The following ETV3 variants were observed in gnomAD, a reference collection of about 807,000 sequenced individuals.
ETV3 encodes the protein ETS variant transcription factor 3, also known as ETS translocation variant 3.
In ETV3, 8 loss-of-function variants were observed where a neutral mutation model predicts 33.0. The observed-to-expected ratio is 0.24, with a 90% CI of 0.14 to 0.44. ETV3 has a LOEUF of 0.44. Among genes scored for constraint, ETV3 ranks in the 20% least tolerant of loss-of-function variants. ETV3 has a pLI of 1.00. For synonymous variants in ETV3, 222 were observed against 238.9 expected, an observed-to-expected ratio of 0.93 and a Z score of 0.65; for missense variants, 473 against 652.3, an observed-to-expected ratio of 0.73 and a Z score of 2.99.
chr1:157,125,032 C>A lies in ETV3; in HGVS notation c.1348G>T (p.Asp450Tyr), dbSNP rs371357999. 18 of 1,551,170 alleles carry A rather than the reference C, an allele frequency of 1.2e-5. No individual in the cohort carries two copies. In the African/African-American group the frequency reaches 2.2e-4, roughly 19 times the overall value. ...PSGEPLEVTEDSEDRPGKEPS... is the reference protein window; with the variant it reads ...PSGEPLEVTEYSEDRPGKEPS... ...TCTTTGCCAGGCCTATCCTCACTGT[C>A]TTCAGTCACCTCCAGAGGTTCTCCA... is the stretch of plus-strand genomic sequence containing the variant. Residue 450 changes from aspartate to tyrosine, a missense_variant, in exon 5 of 5, where the codon GAC (aspartate) becomes TAC (tyrosine). Physicochemically the swap from Asp to Tyr is radical, Grantham distance 160. Transcript: ENST00000368192. This position sits in a 1 kb window ranked among gnomAD's most constrained non-coding sequence, Gnocchi z 4.0.
At chr1:157,135,364 A>C in intron 3 of ETV3, 107 bp downstream of exon 3, 1 of 1,319,572 alleles carries the variant, frequency 7.6e-7, no homozygotes, top group African/African-American at 1.5e-5. Context: ...TTATTCACTA[A>C]GATAGTGTAG....
rs542657305 is a variant in ETV3, at chr1:157,129,762, A to G, written c.401-3783T>C. 5.2e-4 allele frequency among the ~76,000 whole-genome samples: 79 copies of G among 152,322 alleles called. 1 individual carries two copies. Among genetic ancestry groups the G allele is most frequent in the Admixed American group, 4.5e-3 (69 of 15,302 alleles). On this transcript the variant is annotated intron_variant, in intron 4 of 4. Coordinates refer to ENST00000368192, the MANE Select transcript of ETV3 (RefSeq NM_001145312.3). ...TACTCAAAAGCAAAAAGCCACTTCT[A>G]TGTATTCAGAAGAAGGAAGTATAAT...
Position 157,133,987 on chromosome 1 carries a change from T to G in ETV3, c.400+125A>C, listed in dbSNP as rs113772942. The G allele has an allele frequency of 4.4e-4, 649 of 1,476,956 alleles. 1 individual carries two copies. Among genetic ancestry groups the G allele is most frequent in the Middle Eastern group, 3.9e-3 (16 of 4,072 alleles). The allele number at this position is 1,476,956 out of a possible 1,614,324, so 91.5% of individuals were successfully genotyped here. ...GACTTGAGTAAGAACATTGAGGCAA[T>G]CCAAAGGATCACATTATTTTAGTGT... On this transcript the variant is annotated intron_variant, in intron 4 of 4. Transcript: ENST00000368192.
At chr1:157,136,464 T>C in intron 1 of ETV3, 99 bp from the exon 2 acceptor site, 1 of 1,095,002 alleles carries the variant, frequency 9.1e-7, no homozygotes, top group South Asian at 1.5e-5. Flanking sequence ...CTTTCCCCTG[T>C]TCTTCTTTCC....
At chr1:157,128,529 G>A (rs2103201605) in intron 4 of ETV3, 1 of 263,184 alleles carries the variant, frequency 3.8e-6, no homozygotes, top group South Asian at 5.3e-5. Flanking sequence ...TAAGAACAAA[G>A]GCATTACCTG....
At chr1:157,133,918 T>G (rs1675032036) in intron 4 of ETV3, 194 bp downstream of exon 4, 1 of 1,396,342 alleles carries the variant, frequency 7.2e-7, no homozygotes, top group African/African-American at 1.5e-5. Context: ...CAAAGAAATC[T>G]ATCTTGATAC....
intron 3 of ETV3, 26 bp from the exon 4 acceptor site, chr1:157,134,253 T>G (rs1675041751): frequency 6.2e-7 from 1 of 1,606,784 alleles, no homozygotes; most frequent in Non-Finnish European, 8.5e-7. Flanking sequence ...TACATGTCCA[T>G]TCGTCTTGTA....
rs1315349724 is a variant in ETV3, at chr1:157,121,337, T to C, written c.*3504A>G. The C allele has an allele frequency of 1.3e-5, 2 of 151,658 alleles. No individual in the cohort carries two copies. Among genetic ancestry groups the C allele is most frequent in the Non-Finnish European group, 2.9e-5 (2 of 67,938 alleles). The allele number at this position is 151,658 out of a possible 1,614,324, so 9.4% of individuals were successfully genotyped here. Reference sequence around the variant, plus strand: ...TCTATAACATTACATCATATATATATAATATATATGCAAAAATTTGAAGAC... The same window carrying C: ...TCTATAACATTACATCATATATATACAATATATATGCAAAAATTTGAAGAC... On this transcript the variant is annotated 3_prime_UTR_variant, in exon 5 of 5. Transcript: ENST00000368192.
chr1:157,124,787 A>G lies in ETV3; in HGVS notation c.*54T>C. 2 of 1,166,048 alleles carry G rather than the reference A, an allele frequency of 1.7e-6. No homozygotes were observed. Among genetic ancestry groups the G allele is most frequent in the Non-Finnish European group, 2.2e-6 (2 of 903,812 alleles). The allele number at this position is 1,166,048 out of a possible 1,614,324, so 72.2% of individuals were successfully genotyped here. ...CCCCACCCTGAAATCTTGCTACATA[A>G]ATACATGTATGTATTTGATTATAGT... On this transcript the variant is annotated 3_prime_UTR_variant, in exon 5 of 5. Coordinates refer to ENST00000368192, the MANE Select transcript of ETV3 (RefSeq NM_001145312.3).
chr1:157,129,204 TTC>T (rs1674917112), intron 4 of ETV3, among the ~76,000 whole-genome samples: 2 of 152,244 alleles, frequency 1.3e-5, no homozygotes, highest in East Asian at 1.9e-4. Context: ...CTAAAGTGAT[TTC>T]TTTTACTTAT....
At chr1:157,130,875 T>C (rs978410239) in intron 4 of ETV3, among the ~76,000 whole-genome samples, 2 of 152,324 alleles carry the variant, frequency 1.3e-5, no homozygotes, top group Admixed American at 6.5e-5. Context: ...AACAGAATTA[T>C]ATCAATGTTA....
At position 157,132,595 on chromosome 1, in the gene ETV3, C is replaced by T. The variant is rs148246013; in HGVS notation, c.400+1517G>A. Among the ~76,000 whole-genome samples the T allele has an allele frequency of 8.6e-4, 131 of 152,164 alleles. 2 individuals are homozygous for T. The highest frequency in any genetic ancestry group is 3.1e-4 in the Non-Finnish European group (21 of 68,000). On this transcript the variant is annotated intron_variant, in intron 4 of 4. Coordinates refer to ENST00000368192, the MANE Select transcript of ETV3 (RefSeq NM_001145312.3). ...ATTGTTGGTATATACATCTAGATTC[C>T]CAATTCCTCTAGGCATACAAGGAAG...
chr1:157,127,051 G>A (rs1674857019), intron 4 of ETV3, among the ~76,000 whole-genome samples: 2 of 152,246 alleles, frequency 1.3e-5, no homozygotes, highest in African/African-American at 4.8e-5. Context: ...AGCTGCCCTG[G>A]CTGACTGCAC....
rs375623673 is a variant in ETV3 at position 157,121,321 on chromosome 1, T to A, written c.*3520A>T. 15 of 151,734 alleles carry A rather than the reference T, an allele frequency of 9.9e-5. No individual in the cohort carries two copies. In the East Asian group the frequency reaches 2.7e-3, roughly 27 times the overall value. The allele number at this position is 151,734 out of a possible 1,614,324, so 9.4% of individuals were successfully genotyped here. A position where few individuals can be genotyped will look rare whatever the true frequency, so the allele number is the denominator to read the frequency against. ...ATATTATACATATATTTCTATAACA[T>A]TACATCATATATATATAATATATAT... On this transcript the variant is annotated 3_prime_UTR_variant, in exon 5 of 5. Transcript: ENST00000368192.
intron 4 of ETV3, among the ~76,000 whole-genome samples, chr1:157,126,886 A>G (rs1674851347): frequency 6.7e-6 from 1 of 149,484 alleles, no homozygotes; most frequent in Admixed American, 6.6e-5. Flanking sequence ...GGAGGGACAG[A>G]GCTGCCCTGG....
rs1386591941 is a variant in ETV3 at position 157,131,611 on chromosome 1, G to C, written c.400+2501C>G. The stretch of plus-strand genomic sequence containing the variant: ...CGATCTCTCAGGAATTGTTTCCCTA[G>C]AAACTGTTCAATAGATAACTATTCA... On this transcript the variant is annotated intron_variant, in intron 4 of 4. Coordinates refer to ENST00000368192, the MANE Select transcript of ETV3 (RefSeq NM_001145312.3). 8.1e-4 allele frequency among the ~76,000 whole-genome samples: 123 copies of C among 152,282 alleles called. 1 individual carries two copies. Among genetic ancestry groups the C allele is most frequent in the Non-Finnish European group, 7.4e-5 (5 of 68,024 alleles).
chr1:157,136,198 A>G (rs1176063728), intron 2 of ETV3, 109 bp downstream of exon 2: 1 of 1,066,826 alleles, frequency 9.4e-7, no homozygotes, highest in Non-Finnish European at 1.4e-6. Flanking sequence ...CACCTAGCCA[A>G]GAGAGTGTCA....
At position 157,128,172 on chromosome 1, in the gene ETV3, G is replaced by A. The variant is rs200182333; in HGVS notation, c.401-2193C>T. On this transcript the variant is annotated intron_variant, in intron 4 of 4. Transcript: ENST00000368192. ...CAGACTCTGGAGTCTGCTGGTATTC[G>A]TAAGACTGTAGCTTTCTGGGTGCAT... Among the ~76,000 whole-genome samples the A allele has an allele frequency of 7.9e-5, 12 of 152,186 alleles. No homozygotes were observed. The East Asian group carries it at 1.9e-3, about 24-fold the overall frequency.
At chr1:157,127,935 A>G (rs1674878798) in intron 4 of ETV3, among the ~76,000 whole-genome samples, 1 of 152,078 alleles carries the variant, frequency 6.6e-6, no homozygotes, top group Non-Finnish European at 1.5e-5. Flanking sequence ...AGTCTCAGGG[A>G]CCTGTGGGTT....
Sources: allele counts gnomAD v4.1 joint callset (sites outside exome capture counted in the v4.1 genomes callset), GRCh38; gene constraint gnomAD v4.1.1; non-coding constraint Gnocchi (gnomAD v3.1); transcripts MANE v1.5; gene names NCBI Gene and HGNC (gene_info 2026-07-23, HGNC 2026-07-21).